The following NDRG3 variants were observed in gnomAD, a reference collection of about 807,000 sequenced individuals.
NDRG3 encodes the protein NDRG family member 3.
A neutral mutation model predicts 57.2 loss-of-function variants in NDRG3; 23 were observed. The ratio of observed to expected loss-of-function variants is 0.40; its 90% CI spans 0.29 to 0.57. The LOEUF (loss-of-function observed/expected upper bound fraction) is 0.57, where lower values mean the gene tolerates loss of function less well. NDRG3 is among the 20% of genes least tolerant of loss of function. The probability of loss-of-function intolerance (pLI) is 0.42; values close to 1 mark genes in which losing one functional copy is unlikely to be tolerated. For synonymous variants in NDRG3, 132 were observed against 162.6 expected (o/e 0.81, Z 1.43); for missense variants, 384 against 457.3 (o/e 0.84, Z 1.46).
intron 6 of NDRG3, among the ~76,000 whole-genome samples, chr20:36,683,303 G>A (rs1235179528): frequency 1.3e-5 from 2 of 151,958 alleles, no homozygotes; most frequent in Non-Finnish European, 2.9e-5. Context: ...TTTCAAGTTG[G>A]TTTTAATGGT....
rs1297242979 is a variant in NDRG3, at chr20:36,707,016, A to G, written c.58-9T>C. The stretch of plus-strand genomic sequence containing the variant: ...AAGTTTCTTGTACCATTCTGTCAAC[A>G]GAAGACAGAAAACACAGTCAGTTTC... On this transcript the variant is annotated splice_polypyrimidine_tract_variant and intron_variant, in intron 2 of 15. Coordinates refer to ENST00000349004, the MANE Select transcript of NDRG3 (RefSeq NM_032013.4). 1.2e-6 allele frequency: 2 copies of G among 1,612,946 alleles called. No homozygotes were observed. Among genetic ancestry groups the G allele is most frequent in the Non-Finnish European group, 8.5e-7 (1 of 1,179,172 alleles).
At chr20:36,727,786 C>T (rs188789863) in intron 1 of NDRG3, among the ~76,000 whole-genome samples, 5 of 152,168 alleles carry the variant, frequency 3.3e-5, no homozygotes, top group Admixed American at 1.3e-4. Flanking sequence ...CGTGATCTGC[C>T]CTCCTCAGCC....
intron 6 of NDRG3, among the ~76,000 whole-genome samples, chr20:36,682,902 C>T (rs575216652): frequency 6.7e-6 from 1 of 150,274 alleles, no homozygotes; most frequent in Non-Finnish European, 1.5e-5. Context: ...CCCGTCTCTA[C>T]TAAAATACAA....
intron 2 of NDRG3, among the ~76,000 whole-genome samples, chr20:36,713,030 G>A (rs957152978): frequency 5.9e-5 from 9 of 152,114 alleles, no homozygotes; most frequent in Non-Finnish European, 1.2e-4. Flanking sequence ...TGTCTCTGAT[G>A]TTCACAGTAT....
intron 2 of NDRG3, among the ~76,000 whole-genome samples, chr20:36,719,260 C>G (rs1236735778): frequency 2.0e-5 from 3 of 151,960 alleles, no homozygotes; most frequent in African/African-American, 7.3e-5. Flanking sequence ...AACCCCATCT[C>G]TAGTCAAAAT....
intron 3 of NDRG3, among the ~76,000 whole-genome samples, chr20:36,693,105 A>T (rs12625558): frequency 5.0e-4 from 13 of 25,834 alleles, no homozygotes; most frequent in East Asian, 1.0e-3. Context: ...AAAAAAAAAA[A>T]ATATATATAT....
At chr20:36,661,468 A>G (rs925863925) in intron 12 of NDRG3, among the ~76,000 whole-genome samples, 3 of 152,238 alleles carry the variant, frequency 2.0e-5, no homozygotes, top group African/African-American at 4.8e-5. Context: ...AGGGTGAAAC[A>G]TGTAATACAA....
chr20:36,728,744 G>A (rs1985100575), intron 1 of NDRG3, among the ~76,000 whole-genome samples: 1 of 151,720 alleles, frequency 6.6e-6, no homozygotes, highest in South Asian at 2.1e-4. Context: ...GGGAGGTTTT[G>A]AGACAGAGTC....
intron 9 of NDRG3, chr20:36,668,787 CAT>C (rs1328447304): frequency 6.6e-6 from 1 of 150,808 alleles, no homozygotes; most frequent in Non-Finnish European, 1.5e-5. Context: ...TATATATATA[CAT>C]AGTTATATAT....
At chr20:36,692,121 T>C (rs1441463446) in intron 3 of NDRG3, among the ~76,000 whole-genome samples, 4 of 152,218 alleles carry the variant, frequency 2.6e-5, no homozygotes, top group Non-Finnish European at 5.9e-5. Flanking sequence ...TAAAATACTA[T>C]TTCATACATA....
chr20:36,727,548 CTTT>C (rs753248188), intron 1 of NDRG3, among the ~76,000 whole-genome samples: 1 of 138,202 alleles, frequency 7.2e-6, no homozygotes, highest in Non-Finnish European at 1.6e-5. Context: ...CTTTTCTTTT[CTTT>C]TTTTTTTTTG....
At chr20:36,733,343 G>A (rs1444177394) in intron 1 of NDRG3, among the ~76,000 whole-genome samples, 1 of 151,836 alleles carries the variant, frequency 6.6e-6, no homozygotes, top group Non-Finnish European at 1.5e-5. Flanking sequence ...TTGCCAGGAT[G>A]TGCTGACACC....
intron 2 of NDRG3, among the ~76,000 whole-genome samples, chr20:36,711,478 G>C (rs984010395): frequency 3.3e-5 from 5 of 152,056 alleles, no homozygotes; most frequent in Non-Finnish European, 7.4e-5. Context: ...AAATCTCATA[G>C]AATATAGAGC....
At chr20:36,666,042 G>A (rs1979604273) in intron 10 of NDRG3, among the ~76,000 whole-genome samples, 1 of 152,152 alleles carries the variant, frequency 6.6e-6, no homozygotes, top group Admixed American at 6.6e-5. Context: ...CTGTTATACA[G>A]AGGAAAGAGC....
intron 1 of NDRG3, among the ~76,000 whole-genome samples, chr20:36,722,916 T>C (rs1248047969): frequency 6.6e-6 from 1 of 152,208 alleles, no homozygotes; most frequent in Non-Finnish European, 1.5e-5. Flanking sequence ...TATAAACTAC[T>C]AGTTCTAGGG....
intron 9 of NDRG3, among the ~76,000 whole-genome samples, chr20:36,670,317 A>G (rs745753882): frequency 1.3e-5 from 2 of 152,216 alleles, no homozygotes; most frequent in Non-Finnish European, 2.9e-5. Flanking sequence ...AACTCAAAGG[A>G]GTCAGCTGGA....
intron 3 of NDRG3, among the ~76,000 whole-genome samples, chr20:36,689,784 G>C (rs183684925): frequency 1.4e-5 from 2 of 147,650 alleles, no homozygotes; most frequent in East Asian, 4.0e-4. Context: ...GCAGTGGCGC[G>C]ATCTCGGCTC....
At chr20:36,744,471 C>T (rs145522080) in intron 1 of NDRG3, among the ~76,000 whole-genome samples, 1 of 152,018 alleles carries the variant, frequency 6.6e-6, no homozygotes, top group Non-Finnish European at 1.5e-5. Context: ...ATGGACCATG[C>T]CCTCAAGGGG....
intron 6 of NDRG3, among the ~76,000 whole-genome samples, chr20:36,682,841 G>A (rs1398429486): frequency 6.6e-6 from 1 of 152,020 alleles, no homozygotes; most frequent in Non-Finnish European, 1.5e-5. Flanking sequence ...CACGAGGTCG[G>A]CGGATCACGA....
Sources: gnomAD v4.1 joint callset for allele counts (sites outside exome capture counted in the v4.1 genomes callset) on GRCh38, gnomAD v4.1.1 for gene constraint, MANE v1.5 for transcripts, NCBI Gene and HGNC (gene_info 2026-07-23, HGNC 2026-07-21) for gene names.